SLC17A2: variants seen among roughly 807,000 people sequenced by gnomAD.
SLC17A2 encodes sodium-dependent phosphate transport protein 3.
SLC17A2 carries 38 observed loss-of-function variants against 52.1 expected under a neutral mutation model. The ratio of observed to expected loss-of-function variants is 0.73; its 90% CI spans 0.56 to 0.96. The LOEUF is 0.96. Among genes scored for constraint, SLC17A2 ranks in the 40% least tolerant of loss-of-function variants. The pLI is 0.00. For synonymous variants in SLC17A2, 226 were observed against 211.9 expected (o/e 1.07, Z -0.58); for missense variants, 508 against 583.9 (o/e 0.87, Z 1.34).
At chr6:25,918,282 G>T (rs3830057) in intron 6 of SLC17A2, among the ~76,000 whole-genome samples, 53,497 of 152,068 alleles carry the variant, frequency 0.35, 10,507 homozygotes, top group East Asian at 0.71. Context: ...CCTCTACCTT[G>T]TGCGTGTGGC....
chr6:25,918,509 C>T lies in SLC17A2; in HGVS notation c.627G>A (p.Trp209Ter), dbSNP rs867314646. ...CACCAAAGATGTAGAAGATAAAAGG[C>T]CAGCTCAAGGCCTGTGAGATTAGTC... ...VGGLISQALS[W>*]PFIFYIFGST... is the part of the protein sequence containing the mutation. Residue 209 changes from tryptophan to a stop codon, truncating the protein, a stop_gained, in exon 6 of 12, where the codon TGG (tryptophan) becomes TGA (stop). Transcript: ENST00000377850. LOFTEE classifies it high-confidence loss of function. The T allele has an allele frequency of 6.2e-7, 1 of 1,612,976 alleles. No individual in the cohort carries two copies. The highest frequency in any genetic ancestry group is 8.5e-7 in the Non-Finnish European group (1 of 1,179,064).
At chr6:25,921,728 T>A (rs549042572) in intron 3 of SLC17A2, among the ~76,000 whole-genome samples, 4 of 152,288 alleles carry the variant, frequency 2.6e-5, no homozygotes, top group African/African-American at 7.2e-5. Flanking sequence ...TTGCTTCTAG[T>A]AAAAGTTGAG....
chr6:25,917,870 A>C (rs887771266), intron 6 of SLC17A2, among the ~76,000 whole-genome samples: 3 of 152,234 alleles, frequency 2.0e-5, no homozygotes, highest in Admixed American at 2.0e-4. Context: ...CAAGTGATGA[A>C]AACATAGAAT....
intron 5 of SLC17A2, 51 bp from the exon 6 acceptor site, chr6:25,918,624 T>C (rs1439477087): frequency 7.9e-7 from 1 of 1,258,032 alleles, no homozygotes; most frequent in Non-Finnish European, 1.2e-6. Flanking sequence ...AGGCTGAGAC[T>C]TCGTGGCCTC....
chr6:25,929,940 G>A (rs776276832), intron 1 of SLC17A2, among the ~76,000 whole-genome samples: 11 of 152,050 alleles, frequency 7.2e-5, no homozygotes, highest in East Asian at 3.9e-4. Flanking sequence ...GCTGGCACGC[G>A]CACTATGCAT....
At chr6:25,923,189 A>AAAAC (rs148714825) in intron 3 of SLC17A2, among the ~76,000 whole-genome samples, 11,128 of 152,136 alleles carry the variant, frequency 0.073, 442 homozygotes, top group Non-Finnish European at 0.097. Context: ...TCTATCTCAA[A>AAAAC]AAACAAACAA....
chr6:25,924,982 G>C (rs1429252664), intron 2 of SLC17A2, among the ~76,000 whole-genome samples: 2 of 152,116 alleles, frequency 1.3e-5, no homozygotes, highest in Non-Finnish European at 2.9e-5. Flanking sequence ...TGATAGATTG[G>C]ATTTTTCCTG....
chr6:25,930,690 T>A lies in SLC17A2; in HGVS notation c.-497A>T, dbSNP rs1766919325. 6.6e-6 allele frequency: 1 copy of A among 152,246 alleles called. No individual in the cohort carries two copies. Among genetic ancestry groups the A allele is most frequent in the Non-Finnish European group, 1.5e-5 (1 of 68,048 alleles). The allele number at this position is 152,246 out of a possible 1,614,324, so 9.4% of individuals were successfully genotyped here. On this transcript the variant is annotated 5_prime_UTR_variant, in exon 1 of 12. Transcript: ENST00000377850. ...ACGTGGCAGTCAGACGGCAACAGGTTTGGCCCCACTTTCTCAGAAAGCCTC... is the reference window on the plus strand; with the variant it reads ...ACGTGGCAGTCAGACGGCAACAGGTATGGCCCCACTTTCTCAGAAAGCCTC...
chr6:25,920,798 C>T (rs1297425978), intron 5 of SLC17A2, among the ~76,000 whole-genome samples: 2 of 152,180 alleles, frequency 1.3e-5, no homozygotes, highest in Non-Finnish European at 2.9e-5. Context: ...GAGCTGAAAC[C>T]TAGCTCACAA....
In SLC17A2 at chr6:25,923,745, C is replaced by T; in HGVS notation, c.190G>A (p.Ala64Thr). Reference sequence around the variant, plus strand: ...ATGCTGGAGTTATTGAAGGCATCTGCAACAGGCCCCTCAGTGGAGGCATTA... The same window carrying T: ...ATGCTGGAGTTATTGAAGGCATCTGTAACAGGCCCCTCAGTGGAGGCATTA... The part of the protein sequence containing the change: ...LSNASTEGPV[A>T]DAFNNSSISI... The change falls in exon 3 of 12, where the codon GCA becomes ACA. Residue 64 changes from alanine (A) to threonine (T), a missense_variant. Physicochemically the swap from Ala to Thr is moderately conservative, Grantham distance 58. Transcript: ENST00000377850. 6.2e-7 allele frequency: 1 copy of T among 1,614,206 alleles called. No homozygotes were observed. Among genetic ancestry groups the T allele is most frequent in the South Asian group, 1.1e-5 (1 of 91,086 alleles).
At chr6:25,915,295 T>C (rs111291246) in intron 10 of SLC17A2, among the ~76,000 whole-genome samples, 3,552 of 151,252 alleles carry the variant, frequency 0.023, 120 homozygotes, top group African/African-American at 0.07. Context: ...TTTGTCAAAA[T>C]GATTACTGGC....
At chr6:25,922,054 A>C (rs1286769975) in intron 3 of SLC17A2, among the ~76,000 whole-genome samples, 1 of 151,222 alleles carries the variant, frequency 6.6e-6, no homozygotes, top group Non-Finnish European at 1.5e-5. Flanking sequence ...AATAAAATAG[A>C]TTTTAAAATA....
chr6:25,922,414 C>T (rs1174949120), intron 3 of SLC17A2, among the ~76,000 whole-genome samples: 1 of 152,214 alleles, frequency 6.6e-6, no homozygotes, highest in African/African-American at 2.4e-5. Context: ...GGGACTCTGG[C>T]TTGCTCAGGG....
intron 10 of SLC17A2, 25 bp downstream of exon 10, chr6:25,915,474 G>A (rs1255445286): frequency 2.6e-6 from 4 of 1,542,726 alleles, no homozygotes; most frequent in Non-Finnish European, 3.5e-6. Context: ...TCTGGAGGAG[G>A]GGAAAAAACA....
chr6:25,928,179 G>A (rs1467718321), intron 1 of SLC17A2, among the ~76,000 whole-genome samples: 9 of 151,916 alleles, frequency 5.9e-5, no homozygotes, highest in African/African-American at 2.2e-4. Flanking sequence ...CACAGAGCCA[G>A]CACCAGATCC....
chr6:25,918,254 C>A (rs1736729689), intron 6 of SLC17A2, among the ~76,000 whole-genome samples: 2 of 152,306 alleles, frequency 1.3e-5, no homozygotes, highest in South Asian at 4.1e-4. Context: ...TCGGTGGGTG[C>A]CATGTGAATA....
chr6:25,916,786 C>T lies in SLC17A2; in HGVS notation c.829G>A (p.Ala277Thr). ...TGGCTGAAAAAACCCAGGAAAATGG[C>T]CCAAAGTGGTAGGCATGTGACCATC... ...KAMVTCLPLW[A>T]IFLGFFSHFW... Residue 277 changes from alanine (A) to threonine (T), a missense_variant, in exon 8 of 12, where the codon GCC (alanine) becomes ACC (threonine). Ala to Thr is a moderately conservative substitution (Grantham distance 58). Coordinates refer to ENST00000377850, the MANE Select transcript of SLC17A2 (RefSeq NM_001286123.3). The T allele has an allele frequency of 6.2e-7, 1 of 1,614,080 alleles. No individual in the cohort carries two copies. The highest frequency in any genetic ancestry group is 8.5e-7 in the Non-Finnish European group (1 of 1,180,006).
intron 3 of SLC17A2, among the ~76,000 whole-genome samples, chr6:25,922,482 A>G (rs1456017130): frequency 2.0e-5 from 3 of 152,222 alleles, no homozygotes; most frequent in Non-Finnish European, 4.4e-5. Flanking sequence ...AGCAGGCCCA[A>G]ATTCTGAAGG....
intron 11 of SLC17A2, 32 bp from the exon 12 acceptor site, chr6:25,913,483 C>T (rs776845464): frequency 9.5e-5 from 153 of 1,608,062 alleles, no homozygotes; most frequent in Non-Finnish European, 1.2e-4. Context: ...AATGATCAAT[C>T]TCACAAGTTC....
Sources: gnomAD v4.1 joint callset for allele counts (sites outside exome capture counted in the v4.1 genomes callset) on GRCh38, gnomAD v4.1.1 for gene constraint, MANE v1.5 for transcripts, NCBI Gene and HGNC (gene_info 2026-07-23, HGNC 2026-07-21) for gene names.